PABPC4: variants seen among roughly 807,000 people sequenced by gnomAD.
PABPC4 encodes poly(A) binding protein cytoplasmic 4, also known as polyadenylate-binding protein 4.
A neutral mutation model predicts 74.5 loss-of-function variants in PABPC4; 15 were observed. The ratio of observed to expected loss-of-function variants is 0.20; its 90% CI spans 0.13 to 0.31. The LOEUF (loss-of-function observed/expected upper bound fraction) is 0.31, where lower values mean the gene tolerates loss of function less well. PABPC4 is among the 10% of genes least tolerant of loss of function. The pLI is 1.00. For missense variants in PABPC4, 610 were observed against 853.5 expected (o/e 0.71, Z 3.55); for synonymous variants, 345 against 303.0 (o/e 1.14, Z -1.44).
intron 3 of PABPC4, chr1:39,570,692 T>C (rs1645927022): frequency 6.3e-6 from 1 of 157,868 alleles, no homozygotes; most frequent in Non-Finnish European, 1.4e-5. Context: ...TATGAAGTTT[T>C]TCTGCAAAGG....
chr1:39,566,391 A>G (rs548390312), intron 7 of PABPC4, among the ~76,000 whole-genome samples: 21 of 152,334 alleles, frequency 1.4e-4, no homozygotes, highest in Admixed American at 7.2e-4. Flanking sequence ...TAGGCAGCCT[A>G]GATTCTAGTC....
intron 2 of PABPC4, 68 bp downstream of exon 2, chr1:39,572,325 G>T: frequency 2.5e-6 from 3 of 1,187,532 alleles, no homozygotes; most frequent in Non-Finnish European, 3.7e-6. Flanking sequence ...ATAGTTCTCT[G>T]TTTGGTATTT....
intron 1 of PABPC4, chr1:39,573,329 C>G (rs947707455): frequency 5.3e-5 from 8 of 152,158 alleles, no homozygotes; most frequent in African/African-American, 1.9e-4. Context: ...AGGATAAAAC[C>G]ACCATACCTT....
intron 12 of PABPC4, 41 bp downstream of exon 12, chr1:39,563,573 T>C (rs1250728188): frequency 6.3e-7 from 1 of 1,591,548 alleles, no homozygotes; most frequent in Non-Finnish European, 8.6e-7. Flanking sequence ...CAAGTGGAAA[T>C]GGGGGAAATC....
chr1:39,568,244 G>A (rs897594608), intron 6 of PABPC4: 9 of 158,344 alleles, frequency 5.7e-5, no homozygotes, highest in Non-Finnish European at 1.1e-4. Context: ...GCGACAGAGC[G>A]AGACTGTCTC....
chr1:39,567,525 G>A (rs746294149), intron 7 of PABPC4: 7 of 646,598 alleles, frequency 1.1e-5, no homozygotes, highest in Non-Finnish European at 2.0e-5. Context: ...TTGGCAAGGA[G>A]GGGCTGGGTC....
At chr1:39,575,658 G>T in intron 1 of PABPC4, 101 bp downstream of exon 1, 1 of 946,646 alleles carries the variant, frequency 1.1e-6, no homozygotes. Flanking sequence ...GTGGCAACAT[G>T]CTGTCGTGAT....
chr1:39,576,116 C>G lies in PABPC4; in HGVS notation c.-165G>C, dbSNP rs879876972. On this transcript the variant is annotated 5_prime_UTR_variant, in exon 1 of 16. Transcript: ENST00000372858. The stretch of plus-strand genomic sequence containing the variant: ...GGCGGGCTTGGAGACGGGACGGAAA[C>G]GGGAGGCGGGGGCCGGCTCCCACGG... 9.1e-4 allele frequency: 475 copies of G among 519,630 alleles called. 1 individual carries two copies. Among genetic ancestry groups the G allele is most frequent in the Non-Finnish European group, 1.4e-3 (405 of 297,412 alleles). The allele number at this position is 519,630 out of a possible 1,614,324, so 32.2% of individuals were successfully genotyped here. A position where few individuals can be genotyped will look rare whatever the true frequency, so the allele number is the denominator to read the frequency against.
rs761753195 is a variant in PABPC4 at position 39,564,723 on chromosome 1, C to T, written c.1296G>A (p.Arg432=). The T allele has an allele frequency of 1.2e-6, 2 of 1,614,154 alleles. No individual in the cohort carries two copies. The highest frequency in any genetic ancestry group is 2.2e-5 in the South Asian group (2 of 91,084). The change falls in exon 9 of 16, where the codon AGG becomes AGA. Residue 432 remains arginine (R), a synonymous_variant. Transcript: ENST00000372858. Reference sequence around the variant, plus strand: ...CACCTTGCTGCCAGCGTGGATTAGGCCTCATCTGTGCTAACTGGTTAGGTG... The same window carrying T: ...CACCTTGCTGCCAGCGTGGATTAGGTCTCATCTGTGCTAACTGGTTAGGTG... ...YYTPNQLAQM[R]PNPRWQQGGR...
intron 10 of PABPC4, chr1:39,564,130 T>C: frequency 1.6e-6 from 1 of 614,438 alleles, no homozygotes; most frequent in Non-Finnish European, 2.8e-6. Context: ...TTCCTTGTAT[T>C]CCTCACCCCA....
At chr1:39,574,895 A>G (rs1645994941) in intron 1 of PABPC4, among the ~76,000 whole-genome samples, 1 of 152,256 alleles carries the variant, frequency 6.6e-6, no homozygotes, top group Non-Finnish European at 1.5e-5. Context: ...CTCCACGCTA[A>G]GGCCACAATC....
In PABPC4 at chr1:39,568,981, T is replaced by C; in HGVS notation, c.739-42A>G. 3.1e-6 allele frequency: 5 copies of C among 1,588,986 alleles called. 1 individual carries two copies. The highest frequency in any genetic ancestry group is 3.5e-4 in the Middle Eastern group (2 of 5,706). On this transcript the variant is annotated intron_variant, in intron 5 of 15. Coordinates refer to ENST00000372858, the MANE Select transcript of PABPC4 (RefSeq NM_001135653.2). ...TGTCTTTAAAATAAAGTTGCAGCGATGGGGTCTTATTCTGGAGGTCTAAGT... is the reference window on the plus strand; with the variant it reads ...TGTCTTTAAAATAAAGTTGCAGCGACGGGGTCTTATTCTGGAGGTCTAAGT...
intron 12 of PABPC4, 147 bp downstream of exon 12, chr1:39,563,467 T>C (rs1376391133): frequency 3.7e-6 from 4 of 1,066,896 alleles, no homozygotes; most frequent in Non-Finnish European, 5.3e-6. Flanking sequence ...AGTGAGCCCC[T>C]GAAGGGCAGG....
chr1:39,562,223 T>TA lies in PABPC4; in HGVS notation c.1763-21dup, dbSNP rs747353016. ...GTTCTCCTATGGGGAGGATAGTTAA[T>TA]AAAAAAACAAATCAAATCCCAGTAA... is the stretch of plus-strand genomic sequence containing the variant. On this transcript the variant is annotated intron_variant, in intron 13 of 15. Transcript: ENST00000372858. 6.2e-6 allele frequency: 10 copies of TA among 1,613,802 alleles called. No homozygotes were observed. The highest frequency in any genetic ancestry group is 8.5e-6 in the Non-Finnish European group (10 of 1,179,830).
intron 6 of PABPC4, 129 bp from the exon 7 acceptor site, chr1:39,567,975 C>T (rs72663535): frequency 4.5e-5 from 27 of 599,160 alleles, no homozygotes; most frequent in Admixed American, 6.0e-5. Flanking sequence ...ATGAAATTCT[C>T]GGCCGGACGC....
Position 39,572,595 on chromosome 1 carries a change from G to A in PABPC4, c.194-9C>T, listed in dbSNP as rs1364529938. On this transcript the variant is annotated splice_polypyrimidine_tract_variant and intron_variant, in intron 1 of 15. Transcript: ENST00000372858. ...GTCCAAAGCCCGCTCAGCTGTAAGA[G>A]AGAAACACATTTCAATAAGGAGAGA... The A allele has an allele frequency of 1.2e-6, 2 of 1,607,904 alleles. No individual in the cohort carries two copies. The highest frequency in any genetic ancestry group is 1.7e-6 in the Non-Finnish European group (2 of 1,175,456).
Position 39,565,310 on chromosome 1 carries a change from G to T in PABPC4, c.1041C>A (p.Thr347=). 4 of 1,614,062 alleles carry T rather than the reference G, an allele frequency of 2.5e-6. No individual in the cohort carries two copies. The highest frequency in any genetic ancestry group is 3.4e-6 in the Non-Finnish European group (4 of 1,180,028). ...GTCCATTCATCTCAGTGACTGCTTTGGTTGCTTCTTCAGGAGATGAGAAGC... is the reference window on the plus strand; with the variant it reads ...GTCCATTCATCTCAGTGACTGCTTTTGTTGCTTCTTCAGGAGATGAGAAGC... ...FVCFSSPEEA[T]KAVTEMNGRI... is the part of the protein sequence containing the mutation. The change falls in exon 8 of 16, where the codon ACC becomes ACA. Residue 347 remains threonine, a synonymous_variant. Transcript: ENST00000372858.
chr1:39,561,820 A>G (rs752688746), intron 14 of PABPC4, 33 bp from the exon 15 acceptor site: 3 of 1,577,260 alleles, frequency 1.9e-6, no homozygotes, highest in Non-Finnish European at 2.6e-6. Flanking sequence ...CAGTGAATCT[A>G]GGAGAGCTAC....
rs1420740178 is a variant in PABPC4, at chr1:39,561,715, C to T, written c.1966G>A (p.Ala656Thr). 1 of 1,613,296 alleles carries T rather than the reference C, an allele frequency of 6.2e-7. No individual in the cohort carries two copies. The highest frequency in any genetic ancestry group is 8.5e-7 in the Non-Finnish European group (1 of 1,179,772). Residue 656 changes from alanine to threonine, a missense_variant, in exon 15 of 16, where the codon GCT becomes ACT. Ala to Thr is a moderately conservative substitution (Grantham distance 58). Coordinates refer to ENST00000372858, the MANE Select transcript of PABPC4 (RefSeq NM_001135653.2). ...TTCCTTGTCTAAGAGGTAGCAGCAG[C>T]AACAGCGCCCACCTTCTGGGCAGCT... The part of the protein sequence containing the change: ...KEAAQKVGAV[A>T]AATS
Sources: gnomAD v4.1 joint callset for allele counts (sites outside exome capture counted in the v4.1 genomes callset) on GRCh38, gnomAD v4.1.1 for gene constraint, MANE v1.5 for transcripts, NCBI Gene and HGNC (gene_info 2026-07-23, HGNC 2026-07-21) for gene names.